TIAM2: variants seen among roughly 807,000 people sequenced by gnomAD.
The protein encoded by TIAM2 is TIAM Rac1 associated GEF 2, also known as rho guanine nucleotide exchange factor TIAM2.
A neutral mutation model predicts 152.9 loss-of-function variants in TIAM2; 80 were observed. The observed-to-expected ratio is 0.52, with a 90% CI of 0.44 to 0.63. The LOEUF (loss-of-function observed/expected upper bound fraction) is 0.63, where lower values mean the gene tolerates loss of function less well. Ranked by LOEUF, TIAM2 falls within the 30% of genes least tolerant of loss-of-function variation. The pLI, the probability that TIAM2 is intolerant of heterozygous loss-of-function variation, is 0.00. For missense variants in TIAM2, 1,965 were observed against 2,120.1 expected (o/e 0.93, Z 1.44); for synonymous variants, 804 against 838.0 (o/e 0.96, Z 0.70).
intron 10 of TIAM2, among the ~76,000 whole-genome samples, chr6:155,178,642 T>A (rs112411365): frequency 0.094 from 14,378 of 152,200 alleles, 811 homozygotes; most frequent in Middle Eastern, 0.16. Context: ...TGGTGCTACC[T>A]CAGCTCACTG....
At chr6:155,029,497 T>TATAC (rs1209332280) in intron 1 of TIAM2, among the ~76,000 whole-genome samples, 1 of 24,444 alleles carries the variant, frequency 4.1e-5, no homozygotes, top group Non-Finnish European at 7.2e-5. Flanking sequence ...ATAGTATATA[T>TATAC]TATATATAAT....
At chr6:155,224,669 C>T (rs1252554435) in intron 15 of TIAM2, among the ~76,000 whole-genome samples, 4 of 152,252 alleles carry the variant, frequency 2.6e-5, no homozygotes, top group Admixed American at 2.6e-4. Context: ...CACACCCCGA[C>T]TGTGTTTGTT....
chr6:155,064,881 T>TCCCCCTCTA (rs1562305508), intron 1 of TIAM2, among the ~76,000 whole-genome samples: 1 of 151,496 alleles, frequency 6.6e-6, no homozygotes, highest in African/African-American at 2.4e-5. Context: ...TTTCCCTTCC[T>TCCCCCTCTA]TTCTCCCCTC....
At chr6:155,075,228 A>G (rs1777929118) in intron 1 of TIAM2, among the ~76,000 whole-genome samples, 2 of 152,166 alleles carry the variant, frequency 1.3e-5, no homozygotes, top group Non-Finnish European at 2.9e-5. Flanking sequence ...TTAATAGTAC[A>G]GAATGTTTTC....
intron 9 of TIAM2, among the ~76,000 whole-genome samples, chr6:155,172,663 TATATATATATATATATATATATA>T (rs1562341068): frequency 5.7e-3 from 45 of 7,920 alleles, no homozygotes; most frequent in African/African-American, 0.014. Flanking sequence ...TATATATATA[TATATATATATATATATATATATA>T]TTTTTTTTTT....
At chr6:155,210,024 G>T (rs1328437573) in intron 14 of TIAM2, among the ~76,000 whole-genome samples, 1 of 152,104 alleles carries the variant, frequency 6.6e-6, no homozygotes, top group Non-Finnish European at 1.5e-5. Context: ...ACCTAACTGG[G>T]ATCAGAAACC....
At chr6:155,207,516 C>T (rs149081129) in intron 14 of TIAM2, among the ~76,000 whole-genome samples, 125 of 152,346 alleles carry the variant, frequency 8.2e-4, no homozygotes, top group African/African-American at 3.0e-3. Context: ...CTGAGATTTC[C>T]TGTCTTGGCG....
intron 1 of TIAM2, among the ~76,000 whole-genome samples, chr6:155,043,123 C>T (rs1473788090): frequency 2.6e-5 from 4 of 152,120 alleles, no homozygotes; most frequent in Non-Finnish European, 5.9e-5. Context: ...AAGAAACTTA[C>T]TAAGAGTTAC....
intron 14 of TIAM2, among the ~76,000 whole-genome samples, chr6:155,208,863 C>T (rs555995328): frequency 6.7e-4 from 102 of 152,206 alleles, no homozygotes; most frequent in Middle Eastern, 3.4e-3. Context: ...GACACTCTTC[C>T]ATCTCTGCCC....
At chr6:155,227,574 AAG>A in intron 15 of TIAM2, among the ~76,000 whole-genome samples, 1 of 152,264 alleles carries the variant, frequency 6.6e-6, no homozygotes, top group Admixed American at 6.5e-5. Flanking sequence ...GTGTAGAAGA[AAG>A]GGGAGAAAAC....
intron 9 of TIAM2, among the ~76,000 whole-genome samples, chr6:155,170,519 T>C (rs907463646): frequency 1.3e-5 from 2 of 152,100 alleles, no homozygotes; most frequent in African/African-American, 4.8e-5. Flanking sequence ...GAGGATTGCT[T>C]GAGCCTGGGA....
intron 1 of TIAM2, among the ~76,000 whole-genome samples, chr6:155,072,864 A>T (rs561751091): frequency 6.6e-6 from 1 of 152,282 alleles, no homozygotes; most frequent in South Asian, 2.1e-4. Context: ...GTCGTCAGGG[A>T]GCCACTGAAG....
chr6:155,143,669 TC>T (rs1490249026), intron 5 of TIAM2, among the ~76,000 whole-genome samples: 1 of 152,190 alleles, frequency 6.6e-6, no homozygotes, highest in Non-Finnish European at 1.5e-5. Context: ...TGTGGGATTT[TC>T]TGTGGCCTCT....
chr6:155,180,417 A>G (rs890545920), intron 12 of TIAM2, among the ~76,000 whole-genome samples: 2 of 152,222 alleles, frequency 1.3e-5, no homozygotes, highest in Non-Finnish European at 2.9e-5. Context: ...GAATGATTAG[A>G]TAATGATTGG....
chr6:155,152,187 G>A (rs1019946670), intron 7 of TIAM2, among the ~76,000 whole-genome samples: 5 of 152,128 alleles, frequency 3.3e-5, no homozygotes, highest in South Asian at 2.1e-4. Flanking sequence ...ACCCCTGAGC[G>A]GAACTGTTGC....
At chr6:155,056,716 C>T (rs930879385) in intron 1 of TIAM2, among the ~76,000 whole-genome samples, 1 of 152,018 alleles carries the variant, frequency 6.6e-6, no homozygotes, top group African/African-American at 2.4e-5. Flanking sequence ...GATCCATATC[C>T]AGCTTCCCCT....
chr6:155,240,354 C>T (rs1378316891), intron 15 of TIAM2, among the ~76,000 whole-genome samples, 176 bp from the exon 16 acceptor site: 2 of 152,232 alleles, frequency 1.3e-5, no homozygotes, highest in African/African-American at 4.8e-5. Flanking sequence ...ATCTTCCTTA[C>T]TCAGATCCGA....
At chr6:155,058,380 A>G (rs921214751) in intron 1 of TIAM2, among the ~76,000 whole-genome samples, 1 of 152,224 alleles carries the variant, frequency 6.6e-6, no homozygotes, top group Non-Finnish European at 1.5e-5. Flanking sequence ...ATGCATCCAG[A>G]GAAGCAATTC....
intron 2 of TIAM2, among the ~76,000 whole-genome samples, chr6:155,115,354 A>T (rs1359995027): frequency 6.6e-6 from 1 of 151,994 alleles, no homozygotes; most frequent in Non-Finnish European, 1.5e-5. Flanking sequence ...GAGCCACTGC[A>T]TTAAAATGGC....
Sources: allele counts gnomAD v4.1 joint callset (sites outside exome capture counted in the v4.1 genomes callset), GRCh38; gene constraint gnomAD v4.1.1; transcripts MANE v1.5; gene names NCBI Gene and HGNC (gene_info 2026-07-23, HGNC 2026-07-21).